EYA4: variants seen among roughly 807,000 people sequenced by gnomAD.
EYA4 encodes EYA transcriptional coactivator and phosphatase 4, also known as protein phosphatase EYA4.
In EYA4, 31 loss-of-function variants were observed where a neutral mutation model predicts 87.9. The observed-to-expected ratio is 0.35, with a 90% CI of 0.27 to 0.48. The LOEUF (loss-of-function observed/expected upper bound fraction) is 0.48. Ranked by LOEUF, EYA4 falls within the 20% of genes least tolerant of loss-of-function variation. The pLI is 0.99. For missense variants in EYA4, 678 were observed against 761.4 expected, an observed-to-expected ratio of 0.89 and a Z score of 1.29; for synonymous variants, 263 against 270.6, an observed-to-expected ratio of 0.97 and a Z score of 0.28.
At chr6:133,428,740 A>G (rs1562408989) in intron 3 of EYA4, among the ~76,000 whole-genome samples, 2 of 152,010 alleles carry the variant, frequency 1.3e-5, no homozygotes, top group East Asian at 1.9e-4. Flanking sequence ...AGGCAGTTTG[A>G]ATAGGAACCT....
chr6:133,376,692 T>TA (rs1375286734), intron 2 of EYA4, among the ~76,000 whole-genome samples: 1 of 151,890 alleles, frequency 6.6e-6, no homozygotes, highest in East Asian at 1.9e-4. Flanking sequence ...TTGGAAACAT[T>TA]AAAAAAATTA....
intron 2 of EYA4, among the ~76,000 whole-genome samples, chr6:133,378,935 G>A (rs1289316270): frequency 1.6e-5 from 2 of 125,384 alleles, no homozygotes; most frequent in African/African-American, 2.6e-5. Flanking sequence ...TGGTGTGTGT[G>A]TGTGTGTGTG....
chr6:133,322,427 A>G (rs1000357074), intron 2 of EYA4, among the ~76,000 whole-genome samples: 3 of 152,190 alleles, frequency 2.0e-5, no homozygotes, highest in Non-Finnish European at 2.9e-5. Context: ...AGCTTTTTCT[A>G]TAAGAAACAC....
intron 12 of EYA4, among the ~76,000 whole-genome samples, 196 bp from the exon 13 acceptor site, chr6:133,482,836 T>A (rs1011464221): frequency 6.6e-6 from 1 of 152,186 alleles, no homozygotes; most frequent in African/African-American, 2.4e-5. Context: ...CTTAAGCTTA[T>A]AATTTGTATA....
At chr6:133,368,918 GA>G (rs1328209953) in intron 2 of EYA4, among the ~76,000 whole-genome samples, 2 of 152,174 alleles carry the variant, frequency 1.3e-5, no homozygotes, top group Non-Finnish European at 2.9e-5. Flanking sequence ...CCTTGAAAAT[GA>G]AAATGACTTC....
chr6:133,412,001 T>G (rs949860644), intron 3 of EYA4, among the ~76,000 whole-genome samples: 2 of 152,246 alleles, frequency 1.3e-5, no homozygotes, highest in Admixed American at 1.3e-4. Context: ...GTTTTGTCAT[T>G]GTAAACTATA....
chr6:133,469,465 G>T (rs575967203), intron 11 of EYA4, among the ~76,000 whole-genome samples: 1 of 151,938 alleles, frequency 6.6e-6, no homozygotes, highest in African/African-American at 2.4e-5. Flanking sequence ...GACTTATAAT[G>T]TACAGTAATC....
intron 2 of EYA4, among the ~76,000 whole-genome samples, chr6:133,303,594 T>C (rs576153130): frequency 6.6e-5 from 10 of 152,344 alleles, no homozygotes; most frequent in Middle Eastern, 3.4e-3. Context: ...TGTAGATATT[T>C]TGAATACTGA....
chr6:133,263,844 G>T (rs1328162829), intron 1 of EYA4, among the ~76,000 whole-genome samples: 1 of 152,168 alleles, frequency 6.6e-6, no homozygotes. Context: ...GCCCCACCCA[G>T]GTTGGAAAGG....
chr6:133,352,568 G>A (rs1321859974), intron 2 of EYA4, among the ~76,000 whole-genome samples: 1 of 152,052 alleles, frequency 6.6e-6, no homozygotes, highest in African/African-American at 2.4e-5. Context: ...AAAAAATTAA[G>A]TTAGTGATTT....
At chr6:133,496,340 G>A (rs1797645070) in intron 13 of EYA4, among the ~76,000 whole-genome samples, 1 of 152,062 alleles carries the variant, frequency 6.6e-6, no homozygotes, top group Admixed American at 6.5e-5. Flanking sequence ...CAACATTTTG[G>A]TATAGCATAG....
chr6:133,426,027 C>A (rs1035333833), intron 3 of EYA4, among the ~76,000 whole-genome samples: 1 of 150,976 alleles, frequency 6.6e-6, no homozygotes, highest in Non-Finnish European at 1.5e-5. Context: ...CCTGTCCATC[C>A]ATCTTCTGGA....
In EYA4 at chr6:133,411,673, G is replaced by A. The variant is rs964488140; in HGVS notation, c.83+29232G>A. ...ATTATCTTATGAATATTTCACCATA[G>A]AATTGAAAGTTATTTGCATAATATA... On this transcript the variant is annotated intron_variant, in intron 3 of 19. Coordinates refer to ENST00000355286, the MANE Select transcript of EYA4 (RefSeq NM_004100.5). Among the ~76,000 whole-genome samples the A allele has an allele frequency of 3.3e-5, 5 of 151,820 alleles. No homozygotes were observed. The East Asian group carries it at 5.8e-4, about 18-fold the overall frequency.
rs117684934 is a variant in EYA4 at position 133,357,565 on chromosome 6, A to G, written c.34-24827A>G. ...AAATATCCTTCCATTCTCACACTAT[A>G]CATTTCAGAATTTCACATAAATCCA... On this transcript the variant is annotated intron_variant, in intron 2 of 19. Coordinates refer to ENST00000355286, the MANE Select transcript of EYA4 (RefSeq NM_004100.5). Among the ~76,000 whole-genome samples, 456 of 152,288 alleles carry G rather than the reference A, an allele frequency of 3.0e-3. 7 individuals carry two copies. The East Asian group carries it at 0.047, about 16-fold the overall frequency.
At chr6:133,361,468 A>ACC (rs1216765230) in intron 2 of EYA4, among the ~76,000 whole-genome samples, 84 of 152,356 alleles carry the variant, frequency 5.5e-4, no homozygotes, top group Non-Finnish European at 8.8e-4. Flanking sequence ...TATTGGAAGT[A>ACC]ATAAGTCTCA....
chr6:133,515,330 G>C lies in EYA4; in HGVS notation c.1511G>C (p.Gly504Ala), dbSNP rs1383249144. The C allele has an allele frequency of 6.2e-7, 1 of 1,606,142 alleles. No homozygotes were observed. The change falls in exon 17 of 20, where the codon GGC becomes GCC. Residue 504 changes from glycine (G) to alanine (A), a missense_variant. Gly to Ala is a moderately conservative substitution (Grantham distance 60). Coordinates refer to ENST00000355286, the MANE Select transcript of EYA4 (RefSeq NM_004100.5). ...TYKNNVGGLL[G>A]PAKRDAWLQL... ...TTTTTTGGTGTTGCAGGACTCCTTG[G>C]CCCTGCCAAGAGGGATGCCTGGCTA...
chr6:133,245,480 T>C (rs1774332671), intron 1 of EYA4, among the ~76,000 whole-genome samples: 1 of 152,330 alleles, frequency 6.6e-6, no homozygotes, highest in African/African-American at 2.4e-5. Context: ...AAACTAATTA[T>C]ATTCAGAAAT....
At chr6:133,442,843 C>T (rs1378543599) in intron 3 of EYA4, among the ~76,000 whole-genome samples, 1 of 151,890 alleles carries the variant, frequency 6.6e-6, no homozygotes, top group Non-Finnish European at 1.5e-5. Flanking sequence ...TCTTAGTTTG[C>T]CAAGAATTTG....
chr6:133,407,101 T>G (rs1788770410), intron 3 of EYA4, among the ~76,000 whole-genome samples: 1 of 152,090 alleles, frequency 6.6e-6, no homozygotes, highest in Non-Finnish European at 1.5e-5. Flanking sequence ...AAGAAAAAAC[T>G]TTGAGATCAA....
Sources: allele counts gnomAD v4.1 joint callset (sites outside exome capture counted in the v4.1 genomes callset), GRCh38; gene constraint gnomAD v4.1.1; transcripts MANE v1.5; gene names NCBI Gene and HGNC (gene_info 2026-07-23, HGNC 2026-07-21).